Variants in ADK observed in about 807,000 individuals in gnomAD.
ADK encodes the protein N6,N6-dimethyladenosine kinase.
Under a neutral mutation model 44.7 loss-of-function variants are expected in ADK, and 24 were observed. The ratio of observed to expected loss-of-function variants is 0.54; its 90% CI spans 0.39 to 0.76. The LOEUF is 0.76. Among genes scored for constraint, ADK ranks in the 30% least tolerant of loss-of-function variants. The probability of loss-of-function intolerance (pLI) is 0.00; values close to 1 mark genes in which losing one functional copy is unlikely to be tolerated. For synonymous variants in ADK, 128 were observed against 142.6 expected (o/e 0.90, Z 0.73); for missense variants, 321 against 425.1 (o/e 0.76, Z 2.15).
At chr10:74,296,265 A>T (rs1162368386) in intron 3 of ADK, among the ~76,000 whole-genome samples, 1 of 152,156 alleles carries the variant, frequency 6.6e-6, no homozygotes. Context: ...TACCAATTAC[A>T]TCAAAGTCCA....
At chr10:74,411,361 AC>A (rs1215235736) in intron 6 of ADK, among the ~76,000 whole-genome samples, 1 of 152,206 alleles carries the variant, frequency 6.6e-6, no homozygotes, top group Non-Finnish European at 1.5e-5. Flanking sequence ...TAAAGCCCAA[AC>A]TGTGTTAACA....
intron 1 of ADK, among the ~76,000 whole-genome samples, chr10:74,178,788 A>G (rs1842436349): frequency 6.6e-6 from 1 of 152,212 alleles, no homozygotes; most frequent in Non-Finnish European, 1.5e-5. Context: ...ATCTTGAACT[A>G]TGGTAACATG....
At chr10:74,561,079 G>C (rs1317412909) in intron 7 of ADK, among the ~76,000 whole-genome samples, 1 of 152,186 alleles carries the variant, frequency 6.6e-6, no homozygotes, top group Non-Finnish European at 1.5e-5. Flanking sequence ...ATCTGCTGAG[G>C]ACATGTTACT....
intron 3 of ADK, among the ~76,000 whole-genome samples, chr10:74,302,702 A>G (rs1840100792): frequency 5.9e-5 from 9 of 152,158 alleles, no homozygotes; most frequent in Admixed American, 5.9e-4. Flanking sequence ...GCACTGAGGT[A>G]GGAGGTTGGC....
chr10:74,468,086 G>C (rs1266651676), intron 6 of ADK, among the ~76,000 whole-genome samples: 3 of 152,096 alleles, frequency 2.0e-5, no homozygotes, highest in African/African-American at 7.2e-5. Context: ...ATTCAGTAAG[G>C]GTCCCAGGTG....
intron 6 of ADK, among the ~76,000 whole-genome samples, chr10:74,421,908 G>A (rs1844568504): frequency 6.6e-6 from 1 of 152,162 alleles, no homozygotes; most frequent in Non-Finnish European, 1.5e-5. Flanking sequence ...ACAGTGTTAT[G>A]TATAAATTGT....
At chr10:74,700,373 G>A (rs569063552) in intron 10 of ADK, among the ~76,000 whole-genome samples, 30 of 152,232 alleles carry the variant, frequency 2.0e-4, no homozygotes, top group Admixed American at 1.2e-3. Context: ...CTCCCAAGTG[G>A]CTGGGATTAC....
At chr10:74,517,550 G>T (rs564464520) in intron 6 of ADK, among the ~76,000 whole-genome samples, 1 of 151,824 alleles carries the variant, frequency 6.6e-6, no homozygotes, top group Admixed American at 6.6e-5. Context: ...CTAGCTGGGC[G>T]TCGTGGTGCA....
chr10:74,586,478 G>T (rs1323234561), intron 7 of ADK, among the ~76,000 whole-genome samples: 1 of 152,148 alleles, frequency 6.6e-6, no homozygotes, highest in Non-Finnish European at 1.5e-5. Flanking sequence ...TTCCTTAAAA[G>T]ATAATGATTT....
At chr10:74,278,087 C>T (rs1392686392) in intron 3 of ADK, among the ~76,000 whole-genome samples, 1 of 152,002 alleles carries the variant, frequency 6.6e-6, no homozygotes, top group African/African-American at 2.4e-5. Context: ...GGCGACGTAG[C>T]TCACCCCTGT....
At chr10:74,496,180 C>A (rs1172613725) in intron 6 of ADK, among the ~76,000 whole-genome samples, 1 of 152,142 alleles carries the variant, frequency 6.6e-6, no homozygotes, top group East Asian at 1.9e-4. Context: ...AGTCACAGCT[C>A]ACTTCAGCCT....
At chr10:74,685,200 A>T (rs1855744627) in intron 10 of ADK, among the ~76,000 whole-genome samples, 1 of 152,236 alleles carries the variant, frequency 6.6e-6, no homozygotes, top group African/African-American at 2.4e-5. Flanking sequence ...TGCTGCAGTC[A>T]AGCAAAAATG....
chr10:74,431,627 G>A (rs1252319166), intron 6 of ADK, among the ~76,000 whole-genome samples: 1 of 152,096 alleles, frequency 6.6e-6, no homozygotes, highest in Non-Finnish European at 1.5e-5. Context: ...TGTAATCTCA[G>A]TTGCTCGGGA....
intron 4 of ADK, among the ~76,000 whole-genome samples, chr10:74,335,197 CA>C (rs1334578040): frequency 5.9e-5 from 9 of 152,286 alleles, no homozygotes; most frequent in Non-Finnish European, 1.2e-4. Context: ...GCACTTTCTC[CA>C]ATTTAGCCTC....
intron 6 of ADK, chr10:74,424,106 A>T (rs964153585): frequency 6.5e-6 from 1 of 152,886 alleles, no homozygotes; most frequent in Non-Finnish European, 1.5e-5. Flanking sequence ...GGTCTCCAAA[A>T]TGACGCAAGG....
intron 10 of ADK, among the ~76,000 whole-genome samples, chr10:74,705,372 T>C (rs1856566454): frequency 6.6e-6 from 1 of 152,208 alleles, no homozygotes; most frequent in African/African-American, 2.4e-5. Flanking sequence ...CAATTATCCT[T>C]TTTTTCTTTT....
chr10:74,479,246 C>T (rs777064533), intron 6 of ADK, among the ~76,000 whole-genome samples: 2 of 152,228 alleles, frequency 1.3e-5, no homozygotes, highest in East Asian at 1.9e-4. Flanking sequence ...GAGCTCACCT[C>T]GGCCTCCAAA....
At chr10:74,306,690 G>C (rs1179995275) in intron 3 of ADK, among the ~76,000 whole-genome samples, 1 of 152,092 alleles carries the variant, frequency 6.6e-6, no homozygotes, top group African/African-American at 2.4e-5. Context: ...TAAAAATTAA[G>C]GGTTAAGCTA....
At chr10:74,689,132 C>G (rs1384840573) in intron 10 of ADK, among the ~76,000 whole-genome samples, 1 of 151,606 alleles carries the variant, frequency 6.6e-6, no homozygotes, top group Non-Finnish European at 1.5e-5. Flanking sequence ...GCCTGTAGTC[C>G]CAGCTACTCG....
Sources: gnomAD v4.1 joint callset for allele counts (sites outside exome capture counted in the v4.1 genomes callset) on GRCh38, gnomAD v4.1.1 for gene constraint, MANE v1.5 for transcripts, NCBI Gene and HGNC (gene_info 2026-07-23, HGNC 2026-07-21) for gene names.